Variants in TIMELESS observed in about 807,000 individuals in gnomAD.
The protein encoded by TIMELESS is protein timeless homolog.
A neutral mutation model predicts 164.3 loss-of-function variants in TIMELESS; 124 were observed. The ratio of observed to expected loss-of-function variants is 0.75; its 90% CI spans 0.65 to 0.88. The LOEUF (loss-of-function observed/expected upper bound fraction) is 0.88, where lower values mean the gene tolerates loss of function less well. TIMELESS is among the 40% of genes least tolerant of loss of function. The pLI, the probability that TIMELESS is intolerant of heterozygous loss-of-function variation, is 0.00. For synonymous variants in TIMELESS, 564 were observed against 563.4 expected (o/e 1.00, Z -0.02); for missense variants, 1,422 against 1,491.4 (o/e 0.95, Z 0.77).
chr12:56,421,876 C>G lies in TIMELESS; in HGVS notation c.2642+23G>C, dbSNP rs748603102. The G allele has an allele frequency of 6.8e-6, 11 of 1,613,632 alleles. No individual in the cohort carries two copies. In the South Asian group the frequency reaches 1.2e-4, roughly 18 times the overall value. Reference sequence around the variant, plus strand: ...GATCACGAGTCCCCATCCCAATAGCCTCCAGAGCATGTGCCTCTCTACCTT... The same window carrying G: ...GATCACGAGTCCCCATCCCAATAGCGTCCAGAGCATGTGCCTCTCTACCTT... On this transcript the variant is annotated intron_variant, in intron 21 of 28. Coordinates refer to ENST00000553532, the MANE Select transcript of TIMELESS (RefSeq NM_003920.5).
At chr12:56,433,188 G>A (rs1881953593) in intron 5 of TIMELESS, 61 bp from the exon 6 acceptor site, 1 of 1,525,916 alleles carries the variant, frequency 6.6e-7, no homozygotes, top group African/African-American at 1.4e-5. Flanking sequence ...ATGTACTCTG[G>A]CTGGAAGACC....
At chr12:56,429,133 A>G (rs752064204) in intron 10 of TIMELESS, 33 bp from the exon 11 acceptor site, 4 of 1,573,392 alleles carry the variant, frequency 2.5e-6, no homozygotes, top group South Asian at 1.1e-5. Flanking sequence ...AAAGATCACC[A>G]TGACTCCAGG....
At position 56,432,469 on chromosome 12, in the gene TIMELESS, C is replaced by G; in HGVS notation, c.587G>C (p.Ser196Thr). 1 of 1,614,190 alleles carries G rather than the reference C, an allele frequency of 6.2e-7. No individual in the cohort carries two copies. The highest frequency in any genetic ancestry group is 8.5e-7 in the Non-Finnish European group (1 of 1,180,028). Residue 196 changes from serine (S) to threonine (T), a missense_variant, in exon 7 of 29, where the codon AGC becomes ACC. Transcript: ENST00000553532. ...HDQLLWAIHL[S>T]GLDDLLLFLA... ...AAAGAGGAGCAGGTCATCCAGGCCG[C>G]TGAGGTGAATCGCCCAGAGGAGCTG...
intron 1 of TIMELESS, among the ~76,000 whole-genome samples, chr12:56,437,026 G>A (rs761732498): frequency 6.6e-6 from 1 of 151,936 alleles, no homozygotes; most frequent in Non-Finnish European, 1.5e-5. Flanking sequence ...TGCCTCCCAG[G>A]TTTAAGTGAT....
At chr12:56,436,159 T>G (rs1882064605) in intron 1 of TIMELESS, among the ~76,000 whole-genome samples, 1 of 152,106 alleles carries the variant, frequency 6.6e-6, no homozygotes, top group Non-Finnish European at 1.5e-5. Flanking sequence ...AAAACACTAA[T>G]TTAAGAAGTC....
intron 15 of TIMELESS, 148 bp from the exon 16 acceptor site, chr12:56,424,042 G>C (rs1881594283): frequency 1.4e-6 from 1 of 720,602 alleles, no homozygotes; most frequent in Admixed American, 3.0e-5. Flanking sequence ...AAAGACTCCA[G>C]GGAAAATTTT....
chr12:56,428,723 C>A lies in TIMELESS; in HGVS notation c.1305-71G>T. 4 of 1,488,346 alleles carry A rather than the reference C, an allele frequency of 2.7e-6. No homozygotes were observed. The Admixed American group carries it at 5.7e-5, about 21-fold the overall frequency. 92.2% of individuals were successfully genotyped at this position (1,488,346 alleles called of 1,614,324 possible). On this transcript the variant is annotated intron_variant, in intron 11 of 28. Coordinates refer to ENST00000553532, the MANE Select transcript of TIMELESS (RefSeq NM_003920.5). ...ATGGCCCATGGAAACAGCAACTTCC[C>A]ACAGCGAAAAAAAAAAATGTGCCAC... is the stretch of plus-strand genomic sequence containing the variant.
intron 13 of TIMELESS, among the ~76,000 whole-genome samples, chr12:56,426,129 CT>C (rs1881670027): frequency 6.6e-6 from 1 of 152,112 alleles, no homozygotes; most frequent in Non-Finnish European, 1.5e-5. Flanking sequence ...ACTAACAAGA[CT>C]TTGGACAAGT....
intron 13 of TIMELESS, among the ~76,000 whole-genome samples, chr12:56,426,769 A>G (rs1414075632): frequency 2.0e-5 from 3 of 152,114 alleles, no homozygotes; most frequent in Non-Finnish European, 4.4e-5. Flanking sequence ...CATGTTGGCC[A>G]GGCTGGTCGT....
At chr12:56,446,294 T>C (rs565266085) in intron 1 of TIMELESS, among the ~76,000 whole-genome samples, 3 of 152,236 alleles carry the variant, frequency 2.0e-5, no homozygotes, top group African/African-American at 4.8e-5. Flanking sequence ...AGAAACTTCA[T>C]AGTGATCGTC....
chr12:56,421,978 T>C lies in TIMELESS; in HGVS notation c.2563A>G (p.Thr855Ala). 1 of 1,614,084 alleles carries C rather than the reference T, an allele frequency of 6.2e-7. No homozygotes were observed. Among genetic ancestry groups the C allele is most frequent in the East Asian group, 2.2e-5 (1 of 44,876 alleles). The change falls in exon 21 of 29, where the codon ACT (threonine) becomes GCT (alanine). Residue 855 changes from threonine to alanine, a missense_variant. By Grantham distance (58) the Thr-to-Ala change is moderately conservative. Coordinates refer to ENST00000553532, the MANE Select transcript of TIMELESS (RefSeq NM_003920.5). ...VVEAILAHLN[T>A]VPRTRKQIIH... The stretch of plus-strand genomic sequence containing the variant: ...ATCTGCTTGCGTGTTCGAGGAACAG[T>C]ATTCAGGTGGGCCAAGATGGCTTCC...
intron 1 of TIMELESS, among the ~76,000 whole-genome samples, chr12:56,438,092 G>A (rs934384117): frequency 2.0e-5 from 3 of 151,844 alleles, no homozygotes; most frequent in African/African-American, 7.3e-5. Context: ...CCCAGCCTGG[G>A]GTGCAGTGGC....
chr12:56,446,289 C>T (rs1868348679), intron 1 of TIMELESS, among the ~76,000 whole-genome samples: 1 of 152,192 alleles, frequency 6.6e-6, no homozygotes, highest in Non-Finnish European at 1.5e-5. Context: ...ACATAAGAAA[C>T]TTCATAGTGA....
At position 56,431,529 on chromosome 12, in the gene TIMELESS, C is replaced by A. The variant is rs768931396; in HGVS notation, c.763G>T (p.Val255Leu). 22 of 1,613,748 alleles carry A rather than the reference C, an allele frequency of 1.4e-5. No homozygotes were observed. The highest frequency in any genetic ancestry group is 4.0e-5 in the African/African-American group (3 of 74,876). The change falls in exon 8 of 29, where the codon GTG (valine) becomes TTG (leucine). Residue 255 changes from valine to leucine, a missense_variant. Physicochemically the swap from Val to Leu is conservative, Grantham distance 32. Transcript: ENST00000553532. ...TCTGCCATCTCTCGCTGGCGCAACA[C>A]CTCCAGTTCTGCAAAATCTGCACTC... ...ERSADFAELE[V>L]LRQREMAEKK... is the part of the protein sequence containing the mutation.
At position 56,428,969 on chromosome 12, in the gene TIMELESS, A is replaced by G. The variant is rs374995636; in HGVS notation, c.1218T>C (p.Arg406=). 6.3e-5 allele frequency: 102 copies of G among 1,614,084 alleles called. No individual in the cohort carries two copies. Among genetic ancestry groups the G allele is most frequent in the Non-Finnish European group, 7.8e-5 (92 of 1,180,048 alleles). ...GGTTCTGCTCAATGAAGTGGAAGGT[A>G]CGGACACTGAGGGTCTCAGAAACCA... ...PGLVSETLSV[R]TFHFIEQNLT... is the part of the protein sequence containing the mutation. Residue 406 remains arginine (R), a synonymous_variant, in exon 11 of 29, where the codon CGT becomes CGC. Transcript: ENST00000553532.
chr12:56,423,905 G>C lies in TIMELESS; in HGVS notation c.1869-11C>G. On this transcript the variant is annotated splice_polypyrimidine_tract_variant and intron_variant, in intron 15 of 28. Coordinates refer to ENST00000553532, the MANE Select transcript of TIMELESS (RefSeq NM_003920.5). ...TCAGGCCACACCTCCCTGGAGCACA[G>C]ATAGAAAAAAGGCTTTACCCAGGGG... 1.2e-6 allele frequency: 2 copies of C among 1,611,688 alleles called. No individual in the cohort carries two copies. The highest frequency in any genetic ancestry group is 1.7e-6 in the Non-Finnish European group (2 of 1,178,498).
chr12:56,449,094 A>G (rs1182909963), intron 1 of TIMELESS, among the ~76,000 whole-genome samples: 1 of 152,230 alleles, frequency 6.6e-6, no homozygotes, highest in Non-Finnish European at 1.5e-5. Context: ...GGAGCAGCGT[A>G]GGGCTAAGCC....
At chr12:56,445,410 G>A (rs1298674466) in intron 1 of TIMELESS, among the ~76,000 whole-genome samples, 4 of 88,724 alleles carry the variant, frequency 4.5e-5, no homozygotes, top group African/African-American at 8.3e-5. Flanking sequence ...AAACAAGAGC[G>A]AAACTCCACG....
chr12:56,422,807 T>TGCCCCA, intron 19 of TIMELESS, 40 bp downstream of exon 19: 3 of 1,447,344 alleles, frequency 2.1e-6, no homozygotes, highest in Non-Finnish European at 2.8e-6. Context: ...GCATCAAACT[T>TGCCCCA]CCCCTACCCC....
Sources: gnomAD v4.1 joint callset for allele counts (sites outside exome capture counted in the v4.1 genomes callset) on GRCh38, gnomAD v4.1.1 for gene constraint, MANE v1.5 for transcripts, NCBI Gene and HGNC (gene_info 2026-07-23, HGNC 2026-07-21) for gene names.